TENM3: variants seen among roughly 807,000 people sequenced by gnomAD.
TENM3 encodes teneurin transmembrane protein 3.
TENM3 carries 63 observed loss-of-function variants against 255.1 expected under a neutral mutation model. That is an observed-to-expected ratio of 0.25 (90% CI 0.20 to 0.30). TENM3 has a LOEUF of 0.30. TENM3 is among the 10% of genes least tolerant of loss of function. TENM3 has a pLI of 1.00. For missense variants in TENM3, 2,929 were observed against 3,461.1 expected, an observed-to-expected ratio of 0.85 and a Z score of 3.86; for synonymous variants, 1,306 against 1,322.3, an observed-to-expected ratio of 0.99 and a Z score of 0.27.
chr4:181,864,216 T>A, the TENM3 span, among the ~76,000 whole-genome samples: 4 of 152,188 alleles, frequency 2.6e-5, no homozygotes, highest in Admixed American at 1.3e-4. Flanking sequence ...ATTATTCAAC[T>A]ATAAGAGGCA....
the TENM3 span, among the ~76,000 whole-genome samples, chr4:181,907,323 T>A: frequency 6.6e-5 from 10 of 152,190 alleles, no homozygotes; most frequent in Non-Finnish European, 2.9e-5. Flanking sequence ...AGATCCCATG[T>A]GTCCCTAGCC....
chr4:181,494,817 G>A, the TENM3 span, among the ~76,000 whole-genome samples: 1 of 152,002 alleles, frequency 6.6e-6, no homozygotes, highest in Admixed American at 6.6e-5. Flanking sequence ...AAATCCTCAT[G>A]TTAATTTCCC....
At chr4:182,099,086 C>G in the TENM3 span, among the ~76,000 whole-genome samples, 49,874 of 150,672 alleles carry the variant, frequency 0.33, 8,835 homozygotes, top group Middle Eastern at 0.47. Flanking sequence ...CTCAACCTCC[C>G]GAGTAGCTAG....
chr4:181,922,190 A>C, the TENM3 span, among the ~76,000 whole-genome samples: 1 of 152,094 alleles, frequency 6.6e-6, no homozygotes, highest in East Asian at 1.9e-4. Flanking sequence ...TTGGTCTAAA[A>C]TTCTCTTTTT....
intron 3 of TENM3, among the ~76,000 whole-genome samples, chr4:182,420,183 T>C (rs57125009): frequency 0.028 from 4,306 of 152,176 alleles, 199 homozygotes; most frequent in African/African-American, 0.097. Flanking sequence ...GCCTCCTGTT[T>C]TGAAGGAATT....
chr4:181,541,234 A>AAAGC, the TENM3 span, among the ~76,000 whole-genome samples: 5 of 151,798 alleles, frequency 3.3e-5, no homozygotes, highest in African/African-American at 1.2e-4. Context: ...TAAAATATAA[A>AAAGC]AAGCCAGGCA....
intron 4 of TENM3, among the ~76,000 whole-genome samples, chr4:182,624,383 G>T (rs776884512): frequency 6.6e-6 from 1 of 152,148 alleles, no homozygotes; most frequent in African/African-American, 2.4e-5. Flanking sequence ...TGAGTTTTGC[G>T]TGTTTCTCTA....
intron 24 of TENM3, among the ~76,000 whole-genome samples, chr4:182,784,661 C>T (rs1243996529): frequency 5.3e-5 from 8 of 151,068 alleles, no homozygotes; most frequent in East Asian, 2.0e-4. Flanking sequence ...GCCTCGCTGC[C>T]GCCTTGCAGT....
chr4:181,623,101 A>AT, the TENM3 span, among the ~76,000 whole-genome samples: 1 of 152,150 alleles, frequency 6.6e-6, no homozygotes. Context: ...TTAAAAAAAA[A>AT]CTTTTTGGAT....
the TENM3 span, among the ~76,000 whole-genome samples, chr4:182,066,531 C>G: frequency 4.0e-5 from 6 of 151,300 alleles, no homozygotes; most frequent in Non-Finnish European, 5.9e-5. Flanking sequence ...TCTTGATTCT[C>G]TAAGGCTCTT....
chr4:181,707,244 T>C, the TENM3 span, among the ~76,000 whole-genome samples: 1 of 152,152 alleles, frequency 6.6e-6, no homozygotes, highest in Non-Finnish European at 1.5e-5. Context: ...ACGAATACAC[T>C]GTCTGGAAAT....
chr4:181,556,596 C>T, the TENM3 span, among the ~76,000 whole-genome samples: 1 of 152,060 alleles, frequency 6.6e-6, no homozygotes, highest in Non-Finnish European at 1.5e-5. Context: ...AATGTGCATT[C>T]ATAGTAAAAG....
At chr4:181,688,772 G>A in the TENM3 span, among the ~76,000 whole-genome samples, 2 of 152,136 alleles carry the variant, frequency 1.3e-5, no homozygotes, top group Non-Finnish European at 2.9e-5. Context: ...CAACAGTCGG[G>A]GTTTAAGTGC....
intron 3 of TENM3, among the ~76,000 whole-genome samples, chr4:182,444,811 C>T (rs748327960): frequency 6.6e-6 from 1 of 151,982 alleles, no homozygotes; most frequent in Admixed American, 6.6e-5. Context: ...TTTTTTGTTG[C>T]GATGGAGTTT....
the TENM3 span, among the ~76,000 whole-genome samples, chr4:181,462,043 T>C: frequency 6.6e-6 from 1 of 152,204 alleles, no homozygotes; most frequent in African/African-American, 2.4e-5. Context: ...TTGGAATGGA[T>C]TTGACCGATT....
intron 3 of TENM3, among the ~76,000 whole-genome samples, chr4:182,596,690 T>G (rs936802557): frequency 6.6e-6 from 1 of 152,108 alleles, no homozygotes. Flanking sequence ...GAGGGAGAGC[T>G]TGCAAAAATA....
In TENM3 at chr4:182,439,594, A is replaced by G. The variant is rs935200155; in HGVS notation, c.511+92665A>G. Reference sequence around the variant, plus strand: ...AATGTGAGAGGAATTCAAATCTAGAAGGTTTGAAGAAAAAATCTGGTGTGT... The same window carrying G: ...AATGTGAGAGGAATTCAAATCTAGAGGGTTTGAAGAAAAAATCTGGTGTGT... On this transcript the variant is annotated intron_variant, in intron 3 of 27. Coordinates refer to ENST00000511685, the MANE Select transcript of TENM3 (RefSeq NM_001080477.4). 2.6e-5 allele frequency among the ~76,000 whole-genome samples: 4 copies of G among 152,226 alleles called. No homozygotes were observed. In the South Asian group the frequency reaches 8.3e-4, roughly 32 times the overall value.
chr4:182,105,199 C>T, the TENM3 span, among the ~76,000 whole-genome samples: 1 of 152,296 alleles, frequency 6.6e-6, no homozygotes, highest in Admixed American at 6.5e-5. Context: ...AGCAACAGAG[C>T]AAGACACTGT....
chr4:182,217,850 TAAAGCCCCATAA>T (rs1755601149), intron 1 of TENM3, among the ~76,000 whole-genome samples: 1 of 152,210 alleles, frequency 6.6e-6, no homozygotes, highest in Non-Finnish European at 1.5e-5. Flanking sequence ...TTATGAATAT[TAAAGCCCCATAA>T]AAAGAAAGGT....
Sources: allele counts gnomAD v4.1 joint callset (sites outside exome capture counted in the v4.1 genomes callset), GRCh38; gene constraint gnomAD v4.1.1; transcripts MANE v1.5; gene names NCBI Gene and HGNC (gene_info 2026-07-23, HGNC 2026-07-21).